NRCAM: variants seen among roughly 807,000 people sequenced by gnomAD.
The protein encoded by NRCAM is NgCAM-related cell adhesion molecule.
Under a neutral mutation model 156.5 loss-of-function variants are expected in NRCAM, and 83 were observed. The ratio of observed to expected loss-of-function variants is 0.53; its 90% CI spans 0.44 to 0.64. The LOEUF (loss-of-function observed/expected upper bound fraction) is 0.64. Ranked by LOEUF, NRCAM falls within the 30% of genes least tolerant of loss-of-function variation. The probability of loss-of-function intolerance (pLI) is 0.00; values close to 1 mark genes in which losing one functional copy is unlikely to be tolerated. For synonymous variants in NRCAM, 538 were observed against 563.9 expected (o/e 0.95, Z 0.65); for missense variants, 1,417 against 1,597.3 (o/e 0.89, Z 1.92).
intron 27 of NRCAM, 122 bp downstream of exon 27, chr7:108,176,308 A>G: frequency 1.2e-6 from 1 of 808,542 alleles, no homozygotes; most frequent in Non-Finnish European, 2.0e-6. Context: ...GAAATTACAA[A>G]TAAGTGTTTG....
intron 2 of NRCAM, among the ~76,000 whole-genome samples, chr7:108,372,825 T>A (rs2099637529): frequency 6.6e-6 from 1 of 152,154 alleles, no homozygotes; most frequent in Admixed American, 6.6e-5. Flanking sequence ...AACTACCATA[T>A]GATCCAGCAT....
At chr7:108,373,853 G>T (rs939206245) in intron 2 of NRCAM, among the ~76,000 whole-genome samples, 1 of 152,162 alleles carries the variant, frequency 6.6e-6, no homozygotes, top group Non-Finnish European at 1.5e-5. Flanking sequence ...CATGGGAAGT[G>T]CCATGGCAAC....
intron 32 of NRCAM, among the ~76,000 whole-genome samples, chr7:108,159,063 G>C (rs1452161922): frequency 6.6e-6 from 1 of 152,170 alleles, no homozygotes; most frequent in Non-Finnish European, 1.5e-5. Flanking sequence ...AGATGAAAAA[G>C]TGTGTTTACA....
rs755200642 is a variant in NRCAM, at chr7:108,331,428, T to C, written c.-173-18697A>G. On this transcript the variant is annotated intron_variant, in intron 2 of 32. Transcript: ENST00000379028. Reference sequence around the variant, plus strand: ...AACTTAAAAAAAAAAATAGATATAATCAGAAATTTTCGGCTTTTAATAAAG... The same window carrying C: ...AACTTAAAAAAAAAAATAGATATAACCAGAAATTTTCGGCTTTTAATAAAG... Among the ~76,000 whole-genome samples, 279 of 152,048 alleles carry C rather than the reference T, an allele frequency of 1.8e-3. 3 individuals are homozygous for C. The highest frequency in any genetic ancestry group is 1.4e-3 in the Non-Finnish European group (93 of 67,950).
chr7:108,369,375 A>C (rs552934766), intron 2 of NRCAM, among the ~76,000 whole-genome samples: 1 of 152,154 alleles, frequency 6.6e-6, no homozygotes, highest in South Asian at 2.1e-4. Flanking sequence ...ATTTTTTTTG[A>C]AAATTTAAAA....
At chr7:108,181,759 TGA>T in intron 24 of NRCAM, 61 bp downstream of exon 24, 1 of 1,111,898 alleles carries the variant, frequency 9.0e-7, no homozygotes, top group Non-Finnish European at 1.4e-6. Flanking sequence ...GTGGTATGCA[TGA>T]CAAGTGGCAT....
intron 28 of NRCAM, among the ~76,000 whole-genome samples, chr7:108,172,843 T>TTCATTAACATC (rs1332633468): frequency 6.6e-6 from 1 of 152,164 alleles, no homozygotes; most frequent in African/African-American, 2.4e-5. Context: ...AAACTTAGGT[T>TTCATTAACATC]TCATTAACAT....
chr7:108,433,491 T>G (rs1472316242), intron 1 of NRCAM, among the ~76,000 whole-genome samples: 1 of 152,174 alleles, frequency 6.6e-6, no homozygotes, highest in African/African-American at 2.4e-5. Context: ...TGATCCCCAA[T>G]ATGGGGGATT....
chr7:108,205,911 TCTA>T (rs1378249595), intron 13 of NRCAM, among the ~76,000 whole-genome samples: 27 of 152,284 alleles, frequency 1.8e-4, no homozygotes, highest in African/African-American at 6.5e-4. Flanking sequence ...TAGGCTTTCT[TCTA>T]CTTTTTCCTC....
intron 2 of NRCAM, among the ~76,000 whole-genome samples, chr7:108,344,528 A>G (rs1274350238): frequency 6.6e-6 from 1 of 152,102 alleles, no homozygotes; most frequent in Non-Finnish European, 1.5e-5. Context: ...AAAATGAAAA[A>G]CTGGTTAACA....
At chr7:108,455,930 G>T (rs1307402623) in intron 1 of NRCAM, among the ~76,000 whole-genome samples, 1 of 152,222 alleles carries the variant, frequency 6.6e-6, no homozygotes, top group Middle Eastern at 3.2e-3. Context: ...TGCGGGCGCG[G>T]AGCAGAAGTT....
chr7:108,427,938 T>C (rs931236668), intron 1 of NRCAM, among the ~76,000 whole-genome samples: 9 of 152,192 alleles, frequency 5.9e-5, no homozygotes, highest in African/African-American at 1.7e-4. Context: ...TGTGGCCTCA[T>C]AACCTGCCAA....
chr7:108,275,633 T>C (rs2097566461), intron 3 of NRCAM, among the ~76,000 whole-genome samples: 1 of 152,108 alleles, frequency 6.6e-6, no homozygotes, highest in South Asian at 2.1e-4. Context: ...CTCTTTTCTT[T>C]ATTAGTCTTG....
intron 3 of NRCAM, among the ~76,000 whole-genome samples, chr7:108,301,034 G>A (rs1447724605): frequency 6.6e-6 from 1 of 151,828 alleles, no homozygotes; most frequent in African/African-American, 2.4e-5. Context: ...ATAAATAGAA[G>A]TAAAACACTC....
intron 2 of NRCAM, among the ~76,000 whole-genome samples, chr7:108,370,656 G>C (rs1015721149): frequency 6.6e-6 from 1 of 151,948 alleles, no homozygotes; most frequent in Admixed American, 6.6e-5. Context: ...TAAATAACTT[G>C]TTTTGTGTGC....
At chr7:108,157,376 G>A (rs1242975735) in intron 32 of NRCAM, among the ~76,000 whole-genome samples, 1 of 152,072 alleles carries the variant, frequency 6.6e-6, no homozygotes. Flanking sequence ...TGTAAACACA[G>A]TGCTTATGAG....
rs549280653 is a variant in NRCAM, at chr7:108,259,580, G to C, written c.-106-19410C>G. The stretch of plus-strand genomic sequence containing the variant: ...GCAGCACTATTCACAATAGCAAGGA[G>C]ATGGAATCAACCCAAATGTCCATCA... On this transcript the variant is annotated intron_variant, in intron 3 of 32. Coordinates refer to ENST00000379028, the MANE Select transcript of NRCAM (RefSeq NM_001037132.4). Among the ~76,000 whole-genome samples the C allele has an allele frequency of 2.5e-3, 383 of 152,278 alleles. 5 individuals are homozygous for C. The highest frequency in any genetic ancestry group is 3.7e-3 in the Non-Finnish European group (254 of 68,020).
chr7:108,232,325 C>A lies in NRCAM; in HGVS notation c.427+1G>T. ...ATGTTGGTTGACAAGTTTCCACTTA[C>A]TGGATGGGCGGACAACAATGTTATT... is the stretch of plus-strand genomic sequence containing the variant. On this transcript the variant is annotated splice_donor_variant, in intron 7 of 32. Coordinates refer to ENST00000379028, the MANE Select transcript of NRCAM (RefSeq NM_001037132.4). LOFTEE classifies it high-confidence loss of function. 1 of 1,593,078 alleles carries A rather than the reference C, an allele frequency of 6.3e-7. No homozygotes were observed. Among genetic ancestry groups the A allele is most frequent in the South Asian group, 1.1e-5 (1 of 87,554 alleles).
chr7:108,193,122 A>G (rs1300906348), intron 17 of NRCAM, among the ~76,000 whole-genome samples: 3 of 152,166 alleles, frequency 2.0e-5, no homozygotes, highest in Non-Finnish European at 4.4e-5. Context: ...TTCTGGGCCC[A>G]GGTAATTCTC....
Sources: allele counts gnomAD v4.1 joint callset (sites outside exome capture counted in the v4.1 genomes callset), GRCh38; gene constraint gnomAD v4.1.1; transcripts MANE v1.5; gene names NCBI Gene and HGNC (gene_info 2026-07-23, HGNC 2026-07-21).